The following USP34 variants were observed in gnomAD, a reference collection of about 807,000 sequenced individuals.
USP34 encodes ubiquitin specific peptidase 34.
USP34 carries 70 observed loss-of-function variants against 460.3 expected under a neutral mutation model. That is an observed-to-expected ratio of 0.15 (90% CI 0.13 to 0.19). The LOEUF (loss-of-function observed/expected upper bound fraction) is 0.19, where lower values mean the gene tolerates loss of function less well. USP34 is among the 10% of genes least tolerant of loss of function. The probability of loss-of-function intolerance (pLI) is 1.00; values close to 1 mark genes in which losing one functional copy is unlikely to be tolerated. For missense variants in USP34, 3,985 were observed against 4,236.2 expected (o/e 0.94, Z 1.65); for synonymous variants, 1,647 against 1,405.3 (o/e 1.17, Z -3.85).
Position 61,351,495 on chromosome 2 carries a change from A to G in USP34, c.1252-802T>C, listed in dbSNP as rs534159186. Among the ~76,000 whole-genome samples, 10 of 152,292 alleles carry G rather than the reference A, an allele frequency of 6.6e-5. No individual in the cohort carries two copies. The East Asian group carries it at 7.7e-4, about 12-fold the overall frequency. ...AGTATTTTACAGCCATGAAGCTGCT[A>G]ACTACTAAATCAAGATAGGGTAATA... On this transcript the variant is annotated intron_variant, in intron 10 of 79. Transcript: ENST00000398571.
chr2:61,326,789 T>C (rs931584468), intron 20 of USP34, among the ~76,000 whole-genome samples: 2 of 149,488 alleles, frequency 1.3e-5, no homozygotes, highest in Non-Finnish European at 3.0e-5. Context: ...TTTTTTTTTT[T>C]TTTTTTTTTT....
Position 61,339,572 on chromosome 2 carries a change from T to C in USP34, c.2610A>G (p.Glu870=). The C allele has an allele frequency of 6.4e-7, 1 of 1,571,536 alleles. No individual in the cohort carries two copies. The highest frequency in any genetic ancestry group is 2.0e-5 in the Admixed American group (1 of 49,552). The change falls in exon 17 of 80, where the codon GAA becomes GAG. Residue 870 remains glutamate (E), a synonymous_variant. Coordinates refer to ENST00000398571, the MANE Select transcript of USP34 (RefSeq NM_014709.4). ...GTTCTATTAAATAACTTACTGCATC[T>C]TCATCTTGGACTATATCCCACAACA... ...NTLLWDIVQD[E]DAVNLSEGLI...
intron 5 of USP34, among the ~76,000 whole-genome samples, chr2:61,386,606 T>C (rs536173418): frequency 4.3e-4 from 65 of 151,934 alleles, no homozygotes; most frequent in African/African-American, 1.5e-3. Context: ...CTGGCCAACA[T>C]GGTGAAACCC....
intron 2 of USP34, among the ~76,000 whole-genome samples, chr2:61,407,967 T>C (rs771062553): frequency 9.2e-5 from 14 of 151,910 alleles, no homozygotes; most frequent in Non-Finnish European, 1.3e-4. Context: ...ATACAAAAAT[T>C]AGCCAGGCGT....
At chr2:61,269,879 C>T (rs368496992) in intron 41 of USP34, among the ~76,000 whole-genome samples, 16 of 151,980 alleles carry the variant, frequency 1.1e-4, no homozygotes, top group African/African-American at 3.4e-4. Flanking sequence ...ATTTGGAATA[C>T]CTGTGATTTC....
Position 61,405,938 on chromosome 2 carries a change from C to G in USP34, c.322G>C (p.Asp108His), listed in dbSNP as rs1313942407. The G allele has an allele frequency of 1.2e-6, 2 of 1,613,402 alleles. No individual in the cohort carries two copies. Among genetic ancestry groups the G allele is most frequent in the African/African-American group, 2.7e-5 (2 of 74,764 alleles). The change falls in exon 3 of 80, where the codon GAT (aspartate) becomes CAT (histidine). Residue 108 changes from aspartate to histidine, a missense_variant. Transcript: ENST00000398571. ...SNQAEEPLNI[D>H]RECNEGSTER... The stretch of plus-strand genomic sequence containing the variant: ...GTACTTCCTTCATTACACTCTCTAT[C>G]TATATTCAGTGGTTCTTCTGCTTGA...
At chr2:61,265,763 T>C (rs943862764) in intron 42 of USP34, 1 of 682,252 alleles carries the variant, frequency 1.5e-6, no homozygotes, top group African/African-American at 1.9e-5. Flanking sequence ...TGATTTTACT[T>C]GGCCCCAAAT....
chr2:61,358,955 A>T (rs1048192962), intron 10 of USP34, among the ~76,000 whole-genome samples: 4 of 152,226 alleles, frequency 2.6e-5, no homozygotes, highest in African/African-American at 7.2e-5. Flanking sequence ...GCTAAAATAA[A>T]TTAAAAACCT....
Position 61,366,020 on chromosome 2 carries a change from C to T in USP34, c.1251+4301G>A, listed in dbSNP as rs532815708. Among the ~76,000 whole-genome samples the T allele has an allele frequency of 2.6e-5, 4 of 152,172 alleles. No individual in the cohort carries two copies. In the South Asian group the frequency reaches 8.3e-4, roughly 32 times the overall value. ...AGGCTGGGGTACAATGGCGTGATCTCAGCTTACTACAACCTCTGCCTCAGC... is the reference window on the plus strand; with the variant it reads ...AGGCTGGGGTACAATGGCGTGATCTTAGCTTACTACAACCTCTGCCTCAGC... On this transcript the variant is annotated intron_variant, in intron 10 of 79. Coordinates refer to ENST00000398571, the MANE Select transcript of USP34 (RefSeq NM_014709.4).
In USP34 at chr2:61,221,523, A is replaced by G. The variant is rs776146090; in HGVS notation, c.7878T>C (p.Tyr2626=). 32 of 1,613,930 alleles carry G rather than the reference A, an allele frequency of 2.0e-5. No individual in the cohort carries two copies. Among genetic ancestry groups the G allele is most frequent in the South Asian group, 1.1e-4 (10 of 91,078 alleles). ...TTACCTCCCATATCCTCTGCAGAAT[A>G]TAAGATGCAAAGGGAGGCATTCCTG... ...GPPGMPPFAS[Y]ILQRIWEVIE... The change falls in exon 66 of 80, where the codon TAT becomes TAC. Residue 2626 remains tyrosine (Y), a synonymous_variant. Coordinates refer to ENST00000398571, the MANE Select transcript of USP34 (RefSeq NM_014709.4).
At chr2:61,387,439 T>A (rs1288190448) in intron 5 of USP34, among the ~76,000 whole-genome samples, 1 of 151,538 alleles carries the variant, frequency 6.6e-6, no homozygotes, top group Admixed American at 6.6e-5. Context: ...CACTACATCC[T>A]GGGCAACAGA....
chr2:61,459,687 G>C (rs1204376339), intron 1 of USP34, among the ~76,000 whole-genome samples: 2 of 151,132 alleles, frequency 1.3e-5, no homozygotes, highest in Non-Finnish European at 2.9e-5. Flanking sequence ...TGAGGCAGGA[G>C]AATCGCTTGA....
At chr2:61,458,900 T>C (rs1695515921) in intron 1 of USP34, among the ~76,000 whole-genome samples, 1 of 151,628 alleles carries the variant, frequency 6.6e-6, no homozygotes, top group South Asian at 2.1e-4. Context: ...ACCCCATTCC[T>C]ACTAAATTTA....
chr2:61,228,013 A>G (rs1687779702), intron 61 of USP34, among the ~76,000 whole-genome samples: 1 of 152,218 alleles, frequency 6.6e-6, no homozygotes, highest in Non-Finnish European at 1.5e-5. Context: ...ACTAGTGTAT[A>G]TTCTGTGAAG....
At chr2:61,254,949 G>C (rs1399952315) in intron 48 of USP34, among the ~76,000 whole-genome samples, 1 of 152,092 alleles carries the variant, frequency 6.6e-6, no homozygotes, top group African/African-American at 2.4e-5. Context: ...AGCCTCAAGT[G>C]ATCCTCCCGA....
chr2:61,456,587 T>C (rs187352966), intron 1 of USP34, among the ~76,000 whole-genome samples: 2 of 152,090 alleles, frequency 1.3e-5, no homozygotes, highest in African/African-American at 4.8e-5. Context: ...GAAGCCAAAG[T>C]AGGGAGATCA....
rs1287282744 is a variant in USP34 at position 61,288,759 on chromosome 2, T to C, written c.4667A>G (p.His1556Arg). The C allele has an allele frequency of 1.2e-5, 20 of 1,613,962 alleles. No homozygotes were observed. Among genetic ancestry groups the C allele is most frequent in the Non-Finnish European group, 1.4e-5 (17 of 1,179,964 alleles). Residue 1556 changes from histidine to arginine, a missense_variant, in exon 34 of 80, where the codon CAT (histidine) becomes CGT (arginine). His to Arg is a conservative substitution (Grantham distance 29, BLOSUM62 0). Transcript: ENST00000398571. Reference sequence around the variant, plus strand: ...TTTGCCAGGCCAGGTTCTTTTCCTATGGCTTTCCGCTATACCAGACCAGGC... The same window carrying C: ...TTTGCCAGGCCAGGTTCTTTTCCTACGGCTTTCCGCTATACCAGACCAGGC... ...VFAWSGIAES[H>R]RKRTWPGKSR...
At chr2:61,309,605 G>A (rs2600672) in intron 27 of USP34, among the ~76,000 whole-genome samples, 55,287 of 151,928 alleles carry the variant, frequency 0.36, 10,047 homozygotes, top group African/African-American at 0.38. Context: ...TCTTTACCAA[G>A]TGCTAGTGAG....
At chr2:61,334,035 T>C in intron 18 of USP34, 64 bp from the exon 19 acceptor site, 1 of 1,173,636 alleles carries the variant, frequency 8.5e-7, no homozygotes, top group Non-Finnish European at 1.2e-6. Flanking sequence ...TTCAGCCATT[T>C]AAAATTTTAA....
Sources: gnomAD v4.1 joint callset for allele counts (sites outside exome capture counted in the v4.1 genomes callset) on GRCh38, gnomAD v4.1.1 for gene constraint, MANE v1.5 for transcripts, NCBI Gene and HGNC (gene_info 2026-07-23, HGNC 2026-07-21) for gene names.